Variants in WFDC8 observed in about 807,000 individuals in gnomAD.
WFDC8 encodes WAP four-disulfide core domain protein 8.
In WFDC8, 24 loss-of-function variants were observed where a neutral mutation model predicts 27.0. The observed-to-expected ratio is 0.89, with a 90% confidence interval of 0.64 to 1.25. WFDC8 has a LOEUF of 1.25. Among genes scored for constraint, WFDC8 ranks in the 50% most tolerant of loss-of-function variants. The pLI is 0.00. For synonymous variants in WFDC8, 106 were observed against 99.7 expected, an observed-to-expected ratio of 1.06 and a Z score of -0.38; for missense variants, 287 against 295.9, an observed-to-expected ratio of 0.97 and a Z score of 0.22.
rs757781147 is a variant in WFDC8, at chr20:45,559,017, C to T, written c.137-25G>A. 3 of 1,611,872 alleles carry T rather than the reference C, an allele frequency of 1.9e-6. No homozygotes were observed. The African/African-American group carries it at 4.0e-5, about 22-fold the overall frequency. On this transcript the variant is annotated intron_variant, in intron 2 of 5. Coordinates refer to ENST00000289953, the MANE Select transcript of WFDC8 (RefSeq NM_130896.3). ...TCTGCAAGAAAGAAATGTCCAAACT[C>T]ACATTCTTTCGGAATTTCAGCTCTT... is the stretch of plus-strand genomic sequence containing the variant.
At chr20:45,566,884 T>C (rs1868837228) in intron 1 of WFDC8, among the ~76,000 whole-genome samples, 1 of 152,192 alleles carries the variant, frequency 6.6e-6, no homozygotes, top group South Asian at 2.1e-4. Flanking sequence ...ATGTCGCTTT[T>C]ATAAAATGGC....
chr20:45,558,038 C>G (rs1980331550), intron 3 of WFDC8, among the ~76,000 whole-genome samples: 1 of 152,098 alleles, frequency 6.6e-6, no homozygotes, highest in Non-Finnish European at 1.5e-5. Context: ...ACACCCGCCC[C>G]CCTCTAAGCT....
chr20:45,564,927 T>A (rs1445266014), intron 1 of WFDC8, among the ~76,000 whole-genome samples: 137 of 97,916 alleles, frequency 1.4e-3, no homozygotes, highest in Admixed American at 2.2e-3. Flanking sequence ...AAAGAGAGAG[T>A]GAAAGAAAGG....
chr20:45,560,944 C>G (rs1251943482), intron 2 of WFDC8, among the ~76,000 whole-genome samples: 2 of 152,132 alleles, frequency 1.3e-5, no homozygotes, highest in Non-Finnish European at 2.9e-5. Context: ...AAAAGAACCC[C>G]AGGTGGTCCT....
At position 45,558,969 on chromosome 20, in the gene WFDC8, C is replaced by G; in HGVS notation, c.160G>C (p.Glu54Gln). Residue 54 changes from glutamate (E) to glutamine (Q), a missense_variant, in exon 3 of 6, where the codon GAG becomes CAG. By Grantham distance (29) the Glu-to-Gln change is conservative. Coordinates refer to ENST00000289953, the MANE Select transcript of WFDC8 (RefSeq NM_130896.3). Reference protein sequence around the residue: ...IKHKPGLCPKERLTCTTELPD... With the variant: ...IKHKPGLCPKQRLTCTTELPD... Reference sequence around the variant, plus strand: ...AGTTCAGTGGTACAGGTGAGCCTCTCTTTGGGACATAACCCTGGTTTGTCT... The same window carrying G: ...AGTTCAGTGGTACAGGTGAGCCTCTGTTTGGGACATAACCCTGGTTTGTCT... The G allele has an allele frequency of 1.2e-6, 2 of 1,614,192 alleles. No homozygotes were observed. Among genetic ancestry groups the G allele is most frequent in the Non-Finnish European group, 8.5e-7 (1 of 1,180,018 alleles).
At chr20:45,558,494 A>C (rs1980348551) in intron 3 of WFDC8, among the ~76,000 whole-genome samples, 2 of 152,240 alleles carry the variant, frequency 1.3e-5, no homozygotes, top group African/African-American at 4.8e-5. Flanking sequence ...ACATTGAGTC[A>C]CCAGAAAACC....
chr20:45,568,620 C>T (rs6104229), intron 1 of WFDC8: 12 of 528,700 alleles, frequency 2.3e-5, no homozygotes, highest in African/African-American at 5.8e-5. Context: ...GAATTCAGTG[C>T]GGACAATATC....
At chr20:45,556,431 CAG>C (rs10536297) in intron 3 of WFDC8, among the ~76,000 whole-genome samples, 58,099 of 151,832 alleles carry the variant, frequency 0.38, 11,576 homozygotes, top group Non-Finnish European at 0.43. Context: ...CGTAAAGCAG[CAG>C]AGACAACTTG....
At chr20:45,560,638 T>A (rs6032321) in intron 2 of WFDC8, among the ~76,000 whole-genome samples, 58,246 of 151,950 alleles carry the variant, frequency 0.38, 11,634 homozygotes, top group Non-Finnish European at 0.43. Context: ...AGATCAAAAG[T>A]AATGAGGTCA....
At position 45,558,939 on chromosome 20, in the gene WFDC8, C is replaced by CATGTA. The variant is rs1237229028; in HGVS notation, c.189_190insTACAT (p.Asp64TyrfsTer38). ...CAGTCAAAATCTGTGTTACATGAGT[C>CATGTA]CGGAAGTTCAGTGGTACAGGTGAGC... On this transcript the variant is annotated frameshift_variant, in exon 3 of 6. Coordinates refer to ENST00000289953, the MANE Select transcript of WFDC8 (RefSeq NM_130896.3). LOFTEE classifies it high-confidence loss of function. The CATGTA allele has an allele frequency of 6.2e-7, 1 of 1,614,140 alleles. No homozygotes were observed. The highest frequency in any genetic ancestry group is 1.1e-5 in the South Asian group (1 of 91,078).
intron 1 of WFDC8, among the ~76,000 whole-genome samples, chr20:45,571,423 C>T (rs910066625): frequency 2.6e-5 from 4 of 152,128 alleles, no homozygotes; most frequent in Non-Finnish European, 2.9e-5. Flanking sequence ...GTACACATTG[C>T]GGAATGGTTA....
chr20:45,575,074 C>T (rs1980998829), intron 1 of WFDC8, among the ~76,000 whole-genome samples: 1 of 152,192 alleles, frequency 6.6e-6, no homozygotes, highest in Non-Finnish European at 1.5e-5. Flanking sequence ...TTATACCCAA[C>T]AGTGAAAAGT....
intron 3 of WFDC8, among the ~76,000 whole-genome samples, chr20:45,557,680 G>A (rs540287181): frequency 1.1e-4 from 17 of 152,148 alleles, no homozygotes; most frequent in Non-Finnish European, 1.6e-4. Context: ...TGATCCACCC[G>A]CCTTGGCCTC....
At chr20:45,569,937 G>GAAAACC (rs1980813119) in intron 1 of WFDC8, among the ~76,000 whole-genome samples, 1 of 152,190 alleles carries the variant, frequency 6.6e-6, no homozygotes, top group Non-Finnish European at 1.5e-5. Context: ...TGCAGGAACA[G>GAAAACC]AAAACCAAAT....
intron 1 of WFDC8, among the ~76,000 whole-genome samples, 185 bp downstream of exon 1, chr20:45,579,037 G>A (rs1173202181): frequency 6.6e-6 from 1 of 152,064 alleles, no homozygotes; most frequent in African/African-American, 2.4e-5. Flanking sequence ...ATGCATTGAT[G>A]CCCTCTTCAC....
chr20:45,564,979 G>GAAAGAGAGAC (rs1413805788), intron 1 of WFDC8, among the ~76,000 whole-genome samples: 8 of 77,116 alleles, frequency 1.0e-4, no homozygotes, highest in Admixed American at 1.3e-4. Context: ...GAAAGACAAA[G>GAAAGAGAGAC]AAGGAAGGAA....
chr20:45,556,706 AGG>A, intron 3 of WFDC8, among the ~76,000 whole-genome samples: 1 of 152,250 alleles, frequency 6.6e-6, no homozygotes, highest in East Asian at 1.9e-4. Context: ...AAAGCTCGAT[AGG>A]TGGGTGCCTC....
intron 1 of WFDC8, among the ~76,000 whole-genome samples, chr20:45,574,489 C>T (rs1980976483): frequency 1.3e-5 from 2 of 151,588 alleles, no homozygotes; most frequent in Admixed American, 1.3e-4. Flanking sequence ...TTGTATTCAA[C>T]AGTACATTAA....
intron 3 of WFDC8, among the ~76,000 whole-genome samples, chr20:45,556,949 C>T (rs544838977): frequency 1.3e-5 from 2 of 152,172 alleles, no homozygotes; most frequent in South Asian, 2.1e-4. Context: ...GGTGGTCTGC[C>T]GCTGGTCTGA....
Sources: gnomAD v4.1 joint callset for allele counts (sites outside exome capture counted in the v4.1 genomes callset) on GRCh38, gnomAD v4.1.1 for gene constraint, MANE v1.5 for transcripts, NCBI Gene and HGNC (gene_info 2026-07-23, HGNC 2026-07-21) for gene names.